CSMD1: variants seen among roughly 807,000 people sequenced by gnomAD.
The protein encoded by CSMD1 is CUB and Sushi multiple domains 1.
In CSMD1, 213 loss-of-function variants were observed where a neutral mutation model predicts 417.5. That is an observed-to-expected ratio of 0.51 (90% CI 0.46 to 0.57). The LOEUF is 0.57. CSMD1 is among the 20% of genes least tolerant of loss of function. The pLI is 0.00. For synonymous variants in CSMD1, 2,862 were observed against 1,736.8 expected (o/e 1.65, Z -16.11); for missense variants, 6,923 against 4,529.7 (o/e 1.53, Z -15.17).
At chr8:3,979,321 G>C (rs1813678698) in intron 5 of CSMD1, among the ~76,000 whole-genome samples, 1 of 152,184 alleles carries the variant, frequency 6.6e-6, no homozygotes, top group African/African-American at 2.4e-5. Flanking sequence ...TGTGAATCAG[G>C]TATCACGCTG....
chr8:4,045,656 G>A (rs1371783485), intron 3 of CSMD1, among the ~76,000 whole-genome samples: 1 of 152,192 alleles, frequency 6.6e-6, no homozygotes, highest in Non-Finnish European at 1.5e-5. Flanking sequence ...AAGATGGATT[G>A]TAGTAGAAAT....
At chr8:4,172,525 C>T (rs1797823415) in intron 3 of CSMD1, among the ~76,000 whole-genome samples, 1 of 151,970 alleles carries the variant, frequency 6.6e-6, no homozygotes, top group African/African-American at 2.4e-5. Context: ...TATTCTCTAA[C>T]TATTTCTGCT....
At chr8:3,127,579 C>T (rs1383884186) in intron 41 of CSMD1, 1 of 152,100 alleles carries the variant, frequency 6.6e-6, no homozygotes. Flanking sequence ...ACATAAAATT[C>T]AGCAGTTTTA....
chr8:3,100,767 G>T (rs557516755), intron 46 of CSMD1, among the ~76,000 whole-genome samples: 3 of 152,180 alleles, frequency 2.0e-5, no homozygotes, highest in Non-Finnish European at 4.4e-5. Flanking sequence ...ACTAATAGCA[G>T]ATGAGGATTA....
intron 3 of CSMD1, among the ~76,000 whole-genome samples, chr8:4,181,416 G>C (rs533176170): frequency 5.3e-5 from 8 of 149,796 alleles, no homozygotes; most frequent in South Asian, 2.1e-4. Flanking sequence ...CCAATCTTTT[G>C]GCTTCCCTGG....
intron 2 of CSMD1, among the ~76,000 whole-genome samples, chr8:4,561,988 G>C (rs1337661025): frequency 6.6e-6 from 1 of 152,126 alleles, no homozygotes; most frequent in East Asian, 1.9e-4. Context: ...AGAGAGTTAA[G>C]GAAGCTTTAA....
At chr8:3,436,527 G>C (rs753091554) in intron 12 of CSMD1, among the ~76,000 whole-genome samples, 29 of 152,152 alleles carry the variant, frequency 1.9e-4, no homozygotes, top group Admixed American at 3.9e-4. Context: ...GTAATGTTTA[G>C]TGGCTTTAAC....
At chr8:3,770,224 T>A (rs895247552) in intron 5 of CSMD1, among the ~76,000 whole-genome samples, 1 of 152,210 alleles carries the variant, frequency 6.6e-6, no homozygotes, top group African/African-American at 2.4e-5. Flanking sequence ...GCTTCTTTCC[T>A]TGGTGCAAGA....
chr8:3,657,771 C>T lies in CSMD1; in HGVS notation c.1010-40974G>A, dbSNP rs139808690. 4.5e-3 allele frequency among the ~76,000 whole-genome samples: 681 copies of T among 152,144 alleles called. 3 individuals are homozygous for T. The highest frequency in any genetic ancestry group is 0.015 in the African/African-American group (641 of 41,500). Reference sequence around the variant, plus strand: ...ATGATGGGTTGATGGGCACAGCAAACCACCATGGCACGTGTATAACTATGT... The same window carrying T: ...ATGATGGGTTGATGGGCACAGCAAATCACCATGGCACGTGTATAACTATGT... On this transcript the variant is annotated intron_variant, in intron 7 of 69. Coordinates refer to ENST00000635120, the MANE Select transcript of CSMD1 (RefSeq NM_033225.6).
At chr8:4,593,152 C>A (rs189223703) in intron 2 of CSMD1, among the ~76,000 whole-genome samples, 3 of 152,244 alleles carry the variant, frequency 2.0e-5, no homozygotes, top group African/African-American at 7.2e-5. Context: ...GAGGTCTCAG[C>A]ATTGAGAGGA....
At position 3,846,224 on chromosome 8, in the gene CSMD1, C is replaced by G. The variant is rs140111037; in HGVS notation, c.819-92182G>C. Among the ~76,000 whole-genome samples the G allele has an allele frequency of 1.7e-3, 263 of 152,282 alleles. 1 individual carries two copies. Among genetic ancestry groups the G allele is most frequent in the African/African-American group, 6.0e-3 (251 of 41,560 alleles). Reference sequence around the variant, plus strand: ...CACACTATACGTTTGTTGCCACCAGCATCATCACAGATACGTCCACAATGC... The same window carrying G: ...CACACTATACGTTTGTTGCCACCAGGATCATCACAGATACGTCCACAATGC... On this transcript the variant is annotated intron_variant, in intron 5 of 69. Coordinates refer to ENST00000635120, the MANE Select transcript of CSMD1 (RefSeq NM_033225.6).
At chr8:3,975,293 C>T (rs1813356057) in intron 5 of CSMD1, among the ~76,000 whole-genome samples, 1 of 152,110 alleles carries the variant, frequency 6.6e-6, no homozygotes, top group African/African-American at 2.4e-5. Flanking sequence ...TTATTTTATA[C>T]CTTTTTTACA....
intron 11 of CSMD1, among the ~76,000 whole-genome samples, chr8:3,488,772 T>G (rs1314116560): frequency 6.6e-6 from 1 of 152,160 alleles, no homozygotes; most frequent in Non-Finnish European, 1.5e-5. Context: ...TTCAAACAGT[T>G]GAGTCTGTCT....
intron 18 of CSMD1, among the ~76,000 whole-genome samples, chr8:3,371,116 G>C (rs985607195): frequency 6.6e-6 from 1 of 152,168 alleles, no homozygotes; most frequent in African/African-American, 2.4e-5. Flanking sequence ...CTGGTTCCCA[G>C]GTCTTCAGTC....
chr8:4,557,609 G>T (rs1204515216), intron 2 of CSMD1, among the ~76,000 whole-genome samples: 2 of 151,992 alleles, frequency 1.3e-5, no homozygotes, highest in East Asian at 1.9e-4. Flanking sequence ...GGGGAGGTGG[G>T]GGAAGGGGGA....
intron 5 of CSMD1, among the ~76,000 whole-genome samples, chr8:3,964,308 G>A (rs960476341): frequency 7.2e-5 from 11 of 152,134 alleles, no homozygotes; most frequent in African/African-American, 2.4e-5. Flanking sequence ...CCACAGTCAC[G>A]CGGCCATAAG....
At chr8:3,241,334 GT>G (rs1563176211) in intron 26 of CSMD1, among the ~76,000 whole-genome samples, 7 of 151,762 alleles carry the variant, frequency 4.6e-5, no homozygotes, top group Admixed American at 2.6e-4. Context: ...AGGGAAACAG[GT>G]CCTTGAAAAG....
intron 3 of CSMD1, among the ~76,000 whole-genome samples, chr8:4,124,460 C>T (rs1404705556): frequency 6.6e-6 from 1 of 152,150 alleles, no homozygotes; most frequent in Non-Finnish European, 1.5e-5. Flanking sequence ...CTGCAGATGG[C>T]CACTGTGGAC....
intron 39 of CSMD1, among the ~76,000 whole-genome samples, chr8:3,152,639 A>G (rs959044142): frequency 2.0e-5 from 3 of 152,228 alleles, no homozygotes; most frequent in Admixed American, 1.3e-4. Context: ...CAAACATTGT[A>G]TAAGTTGAAA....
Sources: gnomAD v4.1 joint callset for allele counts (sites outside exome capture counted in the v4.1 genomes callset) on GRCh38, gnomAD v4.1.1 for gene constraint, MANE v1.5 for transcripts, NCBI Gene and HGNC (gene_info 2026-07-23, HGNC 2026-07-21) for gene names.